The following KDM4B variants were observed in gnomAD, a reference collection of about 807,000 sequenced individuals.
KDM4B encodes lysine demethylase 4B.
A neutral mutation model predicts 125.2 loss-of-function variants in KDM4B; 32 were observed. That is an observed-to-expected ratio of 0.26 (90% CI 0.19 to 0.34). The LOEUF is 0.34. Ranked by LOEUF, KDM4B falls within the 10% of genes least tolerant of loss-of-function variation. KDM4B has a pLI of 1.00. For synonymous variants in KDM4B, 721 were observed against 677.9 expected, an observed-to-expected ratio of 1.06 and a Z score of -0.99; for missense variants, 1,190 against 1,577.7, an observed-to-expected ratio of 0.75 and a Z score of 4.16.
At chr19:5,129,393 C>T (rs1394923468) in intron 11 of KDM4B, among the ~76,000 whole-genome samples, 9 of 152,088 alleles carry the variant, frequency 5.9e-5, no homozygotes, top group Admixed American at 5.2e-4. Context: ...AGGGTCTCAG[C>T]GCTTACCACT....
chr19:4,989,650 T>G (rs984020595), intron 1 of KDM4B, among the ~76,000 whole-genome samples: 3 of 151,624 alleles, frequency 2.0e-5, no homozygotes, highest in African/African-American at 7.3e-5. Flanking sequence ...CTTCTTCTTC[T>G]TCTTCTTCTT....
rs933364757 is a variant in KDM4B, at chr19:5,015,869, GT to G, written c.-108-386del. On this transcript the variant is annotated intron_variant, in intron 1 of 22. Coordinates refer to ENST00000159111, the MANE Select transcript of KDM4B (RefSeq NM_015015.3). ...CTCTCCCCGTGCTCTGCCTCTTGGT[GT>G]TGGGAGGTGGGGGAAAAACTGGGTG... Among the ~76,000 whole-genome samples the G allele has an allele frequency of 8.5e-5, 13 of 152,314 alleles. No individual in the cohort carries two copies. The East Asian group carries it at 2.5e-3, about 29-fold the overall frequency.
At chr19:5,084,347 AT>A (rs1568285388) in intron 9 of KDM4B, among the ~76,000 whole-genome samples, 1 of 144,174 alleles carries the variant, frequency 6.9e-6, no homozygotes, top group African/African-American at 2.6e-5. Flanking sequence ...TATATATTGT[AT>A]GTAATTTATA....
rs1454208428 is a variant in KDM4B at position 5,131,208 on chromosome 19, C to T, written c.1448C>T (p.Ser483Phe). ...TCAGAGGAGGCGCTGTGGCTGCCAT[C>T]CCCACTGGAGCCCCCGGTGCTGGGC... ...FPSEEALWLP[S>F]PLEPPVLGPG... is the part of the protein sequence containing the mutation. Residue 483 changes from serine to phenylalanine, a missense_variant, in exon 12 of 23, where the codon TCC (serine) becomes TTC (phenylalanine). By Grantham distance (155) the Ser-to-Phe change is radical. This residue lies in a region of KDM4B where 428 missense variants were observed against 405.1 expected (regional missense o/e 1.06). Transcript: ENST00000159111. The T allele has an allele frequency of 3.7e-6, 6 of 1,605,226 alleles. No homozygotes were observed. The highest frequency in any genetic ancestry group is 5.1e-6 in the Non-Finnish European group (6 of 1,176,408).
chr19:5,100,895 T>C lies in KDM4B; in HGVS notation c.919-9727T>C, dbSNP rs186562303. 1.1e-3 allele frequency among the ~76,000 whole-genome samples: 172 copies of C among 152,290 alleles called. 2 individuals carry two copies. Among genetic ancestry groups the C allele is most frequent in the Admixed American group, 6.3e-3 (97 of 15,296 alleles). ...GTAGTATCTTTTATTTCTGAGGATA[T>C]TGATTGACGATAGGTTTAAATTCTT... On this transcript the variant is annotated intron_variant, in intron 9 of 22. Transcript: ENST00000159111.
chr19:5,011,659 C>T (rs1176609771), intron 1 of KDM4B, among the ~76,000 whole-genome samples: 2 of 152,242 alleles, frequency 1.3e-5, no homozygotes, highest in African/African-American at 4.8e-5. Context: ...GAGAGGATCC[C>T]TTCTTTCTGG....
At chr19:5,049,037 TGGGCTGGGGGAGACCCTG>T (rs1024308490) in intron 6 of KDM4B, among the ~76,000 whole-genome samples, 3 of 151,460 alleles carry the variant, frequency 2.0e-5, no homozygotes, top group African/African-American at 7.3e-5. Context: ...CGTGGGAGCC[TGGGCTGGGGGAGACCCTG>T]GGGCTGGGGC....
At chr19:4,996,983 C>T (rs1351110452) in intron 1 of KDM4B, among the ~76,000 whole-genome samples, 1 of 151,832 alleles carries the variant, frequency 6.6e-6, no homozygotes, top group African/African-American at 2.4e-5. Context: ...CCCAGACCTC[C>T]CAGTGTTCCC....
At chr19:5,077,633 C>T (rs528834185) in intron 8 of KDM4B, 163 bp downstream of exon 8, 8 of 599,770 alleles carry the variant, frequency 1.3e-5, no homozygotes, top group African/African-American at 9.3e-5. Flanking sequence ...CAGTTAGCCT[C>T]CAGCTCTTCC....
intron 9 of KDM4B, 65 bp from the exon 10 acceptor site, chr19:5,110,557 G>T: frequency 6.5e-7 from 1 of 1,539,618 alleles, no homozygotes. Flanking sequence ...CTGCTCTGGG[G>T]TGGGGTGTGT....
At chr19:5,094,884 G>A (rs1049503064) in intron 9 of KDM4B, among the ~76,000 whole-genome samples, 12 of 152,326 alleles carry the variant, frequency 7.9e-5, no homozygotes, top group African/African-American at 2.2e-4. Context: ...GCTGGTGGCC[G>A]TGTCCTGGGC....
intron 6 of KDM4B, among the ~76,000 whole-genome samples, chr19:5,048,303 C>G (rs539275312): frequency 6.3e-4 from 96 of 152,302 alleles, no homozygotes; most frequent in South Asian, 1.9e-3. Flanking sequence ...TGTGAATGTG[C>G]ACGTGTGCGC....
In KDM4B at chr19:5,015,634, G is replaced by C. The variant is rs1189923520; in HGVS notation, c.-108-623G>C. ...GGAACCCAAGGCAGGAGGATCACTT[G>C]AGGCCAGGAGCTCGAGACCAGCCTG... is the stretch of plus-strand genomic sequence containing the variant. On this transcript the variant is annotated intron_variant, in intron 1 of 22. Transcript: ENST00000159111. 1.3e-5 allele frequency among the ~76,000 whole-genome samples: 2 copies of C among 152,152 alleles called. 1 individual carries two copies. The highest frequency in any genetic ancestry group is 1.3e-4 in the Admixed American group (2 of 15,288).
At chr19:5,124,369 C>A (rs1234185917) in intron 11 of KDM4B, among the ~76,000 whole-genome samples, 1 of 152,176 alleles carries the variant, frequency 6.6e-6, no homozygotes, top group Non-Finnish European at 1.5e-5. Flanking sequence ...AGGAAAGTGG[C>A]CCAGTCCTGG....
intron 18 of KDM4B, chr19:5,138,481 C>T (rs535430023): frequency 2.2e-4 from 38 of 175,532 alleles, no homozygotes; most frequent in South Asian, 7.0e-4. Context: ...GATGAGACCC[C>T]ATCTCTATAA....
chr19:5,020,723 C>T (rs2036089658), intron 2 of KDM4B, among the ~76,000 whole-genome samples: 1 of 152,208 alleles, frequency 6.6e-6, no homozygotes, highest in South Asian at 2.1e-4. Flanking sequence ...TGGTTTCTTC[C>T]TCCTAAATAG....
intron 4 of KDM4B, among the ~76,000 whole-genome samples, chr19:5,040,672 T>TCTCTGTCTGTGGCCTCCA (rs1364191724): frequency 5.6e-5 from 5 of 88,614 alleles, no homozygotes; most frequent in Non-Finnish European, 2.1e-5. Context: ...CGTGCCCTCC[T>TCTCTGTCTGTGGCCTCCA]CTCTGTCTGT....
chr19:4,988,681 G>A (rs1348637593), intron 1 of KDM4B, among the ~76,000 whole-genome samples: 2 of 152,222 alleles, frequency 1.3e-5, no homozygotes, highest in African/African-American at 2.4e-5. Flanking sequence ...AAAGGAGGCA[G>A]ATGAAGACAT....
In KDM4B at chr19:5,026,952, A is replaced by AG. The variant is rs775469609; in HGVS notation, c.-25-5911dup. 6.0e-4 allele frequency among the ~76,000 whole-genome samples: 91 copies of AG among 152,032 alleles called. 1 individual carries two copies. The highest frequency in any genetic ancestry group is 1.1e-3 in the Non-Finnish European group (76 of 68,000). On this transcript the variant is annotated intron_variant, in intron 2 of 22. Coordinates refer to ENST00000159111, the MANE Select transcript of KDM4B (RefSeq NM_015015.3). Reference sequence around the variant, plus strand: ...GGCAGGGCGGTGGGAGCAGGGCCCGAGGGTCCCAGTTGTTGGGAACTATGT... The same window carrying AG: ...GGCAGGGCGGTGGGAGCAGGGCCCGAGGGGTCCCAGTTGTTGGGAACTATGT...
Sources: allele counts gnomAD v4.1 joint callset (sites outside exome capture counted in the v4.1 genomes callset), GRCh38; gene constraint gnomAD v4.1.1; regional missense constraint gnomAD v4.1.1; transcripts MANE v1.5; gene names NCBI Gene and HGNC (gene_info 2026-07-23, HGNC 2026-07-21).